ARSJ: variants seen among roughly 807,000 people sequenced by gnomAD.
The protein encoded by ARSJ is arylsulfatase J.
A neutral mutation model predicts 35.9 loss-of-function variants in ARSJ; 26 were observed. That is an observed-to-expected ratio of 0.72 (90% CI 0.53 to 1.00). The LOEUF (loss-of-function observed/expected upper bound fraction) is 1.00, where lower values mean the gene tolerates loss of function less well. Ranked by LOEUF, ARSJ falls within the 50% of genes least tolerant of loss-of-function variation. The pLI, the probability that ARSJ is intolerant of heterozygous loss-of-function variation, is 0.00. For missense variants in ARSJ, 667 were observed against 723.6 expected (o/e 0.92, Z 0.90); for synonymous variants, 294 against 267.6 (o/e 1.10, Z -0.96).
chr4:113,967,087 A>G (rs181574956), intron 1 of ARSJ, among the ~76,000 whole-genome samples: 35 of 152,286 alleles, frequency 2.3e-4, no homozygotes, highest in African/African-American at 7.7e-4. Context: ...TTTATTATGG[A>G]TTATATTCAG....
rs2099667776 is a variant in ARSJ, at chr4:113,903,455, A to G, written c.619T>C (p.Tyr207His). Residue 207 changes from tyrosine to histidine, a missense_variant, in exon 2 of 2, where the codon TAT (tyrosine) becomes CAT (histidine). Physicochemically the swap from Tyr to His is moderately conservative, Grantham distance 83. Transcript: ENST00000315366. ...FGSLLGSGDY[Y>H]THYKCDSPGM... is the part of the protein sequence containing the mutation. The stretch of plus-strand genomic sequence containing the variant: ...GGACTGTCACATTTGTAGTGTGTAT[A>G]GTAATCCCCACTTCCCAAAAGGGAA... 4 of 1,614,212 alleles carry G rather than the reference A, an allele frequency of 2.5e-6. No homozygotes were observed. The highest frequency in any genetic ancestry group is 1.1e-5 in the South Asian group (1 of 91,088).
chr4:113,937,458 C>A (rs930059553), intron 1 of ARSJ, among the ~76,000 whole-genome samples: 3 of 152,042 alleles, frequency 2.0e-5, no homozygotes, highest in African/African-American at 7.2e-5. Flanking sequence ...AAGCTGGAAG[C>A]ATTCTCCTTG....
At chr4:113,922,021 A>G (rs1225393899) in intron 1 of ARSJ, among the ~76,000 whole-genome samples, 1 of 152,152 alleles carries the variant, frequency 6.6e-6, no homozygotes, top group African/African-American at 2.4e-5. Flanking sequence ...TTACCTTGTG[A>G]TCCAACTTCC....
In ARSJ at chr4:113,924,139, T is replaced by C. The variant is rs1723904918; in HGVS notation, c.399-20464A>G. ...TATATATAAAGGGGAGTTTATTAAG[T>C]ATTAACTTACACAATCACAAGGTCC... On this transcript the variant is annotated intron_variant, in intron 1 of 1. Coordinates refer to ENST00000315366, the MANE Select transcript of ARSJ (RefSeq NM_024590.4). 2.1e-5 allele frequency among the ~76,000 whole-genome samples: 3 copies of C among 144,216 alleles called. No homozygotes were observed. The South Asian group carries it at 6.6e-4, about 32-fold the overall frequency. The allele number at this position is 144,216 out of a possible 152,430, so 94.6% of individuals were successfully genotyped here.
At chr4:113,955,550 T>A (rs543766457) in intron 1 of ARSJ, among the ~76,000 whole-genome samples, 2 of 152,194 alleles carry the variant, frequency 1.3e-5, no homozygotes, top group South Asian at 2.1e-4. Flanking sequence ...GCAGTCGGAC[T>A]GGTTTTTCCA....
chr4:113,934,931 C>T (rs1049494466), intron 1 of ARSJ, among the ~76,000 whole-genome samples: 2 of 151,716 alleles, frequency 1.3e-5, no homozygotes, highest in Non-Finnish European at 3.0e-5. Context: ...CAAACTAAAC[C>T]ACTTTTCCAG....
At chr4:113,954,732 G>A (rs1726062049) in intron 1 of ARSJ, among the ~76,000 whole-genome samples, 1 of 152,056 alleles carries the variant, frequency 6.6e-6, no homozygotes. Flanking sequence ...CACTTACTGA[G>A]CAATGTCCTA....
rs11098216 is a variant in ARSJ, at chr4:113,959,473, C to G, written c.398+18964G>C. 8.8e-4 allele frequency among the ~76,000 whole-genome samples: 134 copies of G among 151,976 alleles called. 1 individual carries two copies. Among genetic ancestry groups the G allele is most frequent in the African/African-American group, 3.2e-3 (131 of 41,436 alleles). The stretch of plus-strand genomic sequence containing the variant: ...TTAGGGACATATATAAACCTGTGAA[C>G]GATTTCACAGCCTGAAGAAAGAATT... On this transcript the variant is annotated intron_variant, in intron 1 of 1. Coordinates refer to ENST00000315366, the MANE Select transcript of ARSJ (RefSeq NM_024590.4).
chr4:113,976,550 C>T (rs1009665148), intron 1 of ARSJ, among the ~76,000 whole-genome samples: 6 of 152,228 alleles, frequency 3.9e-5, no homozygotes, highest in Admixed American at 2.0e-4. Context: ...ATAATGAGTC[C>T]AGAACTGGGC....
intron 1 of ARSJ, among the ~76,000 whole-genome samples, chr4:113,953,527 T>A (rs537025387): frequency 8.5e-5 from 13 of 152,166 alleles, no homozygotes; most frequent in Middle Eastern, 3.4e-3. Flanking sequence ...ACAGTGAAAA[T>A]TCTCAGTGAC....
intron 1 of ARSJ, among the ~76,000 whole-genome samples, chr4:113,934,041 T>C (rs1324824359): frequency 6.6e-6 from 1 of 151,762 alleles, no homozygotes. Flanking sequence ...TTTAGTAAAG[T>C]TGCAGGACAC....
At chr4:113,943,267 A>G (rs1171679879) in intron 1 of ARSJ, 1 of 151,902 alleles carries the variant, frequency 6.6e-6, no homozygotes, top group Admixed American at 6.6e-5. Context: ...CTACTCCTAC[A>G]TTATCTGCCA....
At chr4:113,915,249 T>G (rs1219350142) in intron 1 of ARSJ, among the ~76,000 whole-genome samples, 2 of 152,210 alleles carry the variant, frequency 1.3e-5, no homozygotes, top group African/African-American at 2.4e-5. Flanking sequence ...TAAGGGTTAT[T>G]GGCTCTGTCT....
intron 1 of ARSJ, among the ~76,000 whole-genome samples, chr4:113,936,589 T>G (rs1724780982): frequency 1.3e-5 from 2 of 151,932 alleles, no homozygotes; most frequent in African/African-American, 4.8e-5. Context: ...TTCTACTTTT[T>G]GTACTACACT....
intron 1 of ARSJ, among the ~76,000 whole-genome samples, chr4:113,912,289 G>A (rs1282976425): frequency 1.3e-5 from 2 of 152,166 alleles, no homozygotes; most frequent in Admixed American, 1.3e-4. Flanking sequence ...GTGGAGAAGA[G>A]TTTTAGAGTC....
chr4:113,907,529 A>ATT (rs142508001), intron 1 of ARSJ, among the ~76,000 whole-genome samples: 1 of 151,668 alleles, frequency 6.6e-6, no homozygotes, highest in Non-Finnish European at 1.5e-5. Context: ...TAATATGAAA[A>ATT]TTTTTTTTAC....
In ARSJ at chr4:113,969,412, C is replaced by T. The variant is rs111624736; in HGVS notation, c.398+9025G>A. Among the ~76,000 whole-genome samples, 864 of 152,144 alleles carry T rather than the reference C, an allele frequency of 5.7e-3. 6 individuals carry two copies. The highest frequency in any genetic ancestry group is 0.019 in the African/African-American group (808 of 41,520). On this transcript the variant is annotated intron_variant, in intron 1 of 1. Transcript: ENST00000315366. ...AAATTGGATGAGAGCTATGACTATA[C>T]TTACAGAAAGCTTTAAAAAGAATAA...
chr4:113,906,996 T>G (rs2099668940), intron 1 of ARSJ, among the ~76,000 whole-genome samples: 1 of 152,242 alleles, frequency 6.6e-6, no homozygotes, highest in African/African-American at 2.4e-5. Flanking sequence ...AAAATAGAGA[T>G]GTAGAGAAGT....
At chr4:113,933,980 A>G (rs1324323380) in intron 1 of ARSJ, among the ~76,000 whole-genome samples, 1 of 151,908 alleles carries the variant, frequency 6.6e-6, no homozygotes, top group Non-Finnish European at 1.5e-5. Context: ...ATGGTCTCAT[A>G]TTTAGAAATG....
Sources: gnomAD v4.1 joint callset for allele counts (sites outside exome capture counted in the v4.1 genomes callset) on GRCh38, gnomAD v4.1.1 for gene constraint, MANE v1.5 for transcripts, NCBI Gene and HGNC (gene_info 2026-07-23, HGNC 2026-07-21) for gene names.